The following POC1B variants were observed in gnomAD, a reference collection of about 807,000 sequenced individuals.
POC1B encodes POC1 centriolar protein homolog B.
A neutral mutation model predicts 60.6 loss-of-function variants in POC1B; 44 were observed. The ratio of observed to expected loss-of-function variants is 0.73; its 90% confidence interval spans 0.57 to 0.93. POC1B has a LOEUF of 0.93. Among genes scored for constraint, POC1B ranks in the 40% least tolerant of loss-of-function variants. POC1B has a pLI of 0.00. For synonymous variants in POC1B, 180 were observed against 198.9 expected, an observed-to-expected ratio of 0.90 and a Z score of 0.80; for missense variants, 555 against 572.3, an observed-to-expected ratio of 0.97 and a Z score of 0.31.
At chr12:89,418,769 G>A (rs933496160), downstream of POC1B, among the ~76,000 whole-genome samples, 18 of 152,282 alleles carry the variant, frequency 1.2e-4, no homozygotes, top group Admixed American at 1.1e-3. Flanking sequence ...TCCACCATGA[G>A]TGAAAGCAGC....
intron 10 of POC1B, among the ~76,000 whole-genome samples, chr12:89,441,037 C>T (rs10858853): frequency 0.28 from 42,998 of 152,138 alleles, 6,549 homozygotes; most frequent in Non-Finnish European, 0.35. Flanking sequence ...AGTCTGAGAT[C>T]GAACTGCAAG....
At chr12:89,445,007 T>C (rs1298741186) in intron 10 of POC1B, among the ~76,000 whole-genome samples, 2 of 152,176 alleles carry the variant, frequency 1.3e-5, no homozygotes, top group African/African-American at 4.8e-5. Flanking sequence ...CCATTCACAA[T>C]TGCTTCAAAG....
chr12:89,498,742 C>G (rs1278729409), intron 2 of POC1B, among the ~76,000 whole-genome samples: 1 of 152,064 alleles, frequency 6.6e-6, no homozygotes, highest in African/African-American at 2.4e-5. Flanking sequence ...AAGGCTAATG[C>G]AGACAAAGCA....
At position 89,460,508 on chromosome 12, in the gene POC1B, C is replaced by T. The variant is rs368283768; in HGVS notation, c.1033-790G>A. ...CTGCAAAAACTAGAAAGCTCAATGA[C>T]GCCAACACTGTTTGTAGCAGCATTG... On this transcript the variant is annotated intron_variant, in intron 9 of 11. Transcript: ENST00000313546. Among the ~76,000 whole-genome samples, 68 of 152,260 alleles carry T rather than the reference C, an allele frequency of 4.5e-4. 2 individuals are homozygous for T. In the South Asian group the frequency reaches 0.013, roughly 29 times the overall value.
chr12:89,507,290 A>AC (rs1869952350), intron 2 of POC1B, among the ~76,000 whole-genome samples: 2 of 150,720 alleles, frequency 1.3e-5, no homozygotes, highest in Admixed American at 1.3e-4. Flanking sequence ...AAAAAAAAAA[A>AC]AACTATGAAA....
intron 10 of POC1B, among the ~76,000 whole-genome samples, chr12:89,459,141 A>C (rs983452356): frequency 6.6e-6 from 1 of 152,116 alleles, no homozygotes; most frequent in African/African-American, 2.4e-5. Flanking sequence ...CAGCATGTGA[A>C]ATGTTACCTG....
chr12:89,456,408 GCCACA>G (rs1291649727), intron 10 of POC1B, among the ~76,000 whole-genome samples: 2 of 152,096 alleles, frequency 1.3e-5, no homozygotes, highest in African/African-American at 4.8e-5. Flanking sequence ...ATCCCGTGTA[GCCACA>G]CCACATGTCA....
In POC1B at chr12:89,477,640, T is replaced by A. The variant is rs192174136; in HGVS notation, c.453-5365A>T. On this transcript the variant is annotated intron_variant, in intron 4 of 11. Transcript: ENST00000313546. ...TTCTTTCTCTTCTACTTCCCCACAT[T>A]CCAATCCATTATTGGGTCCTGCCTC... Among the ~76,000 whole-genome samples, 7 of 152,238 alleles carry A rather than the reference T, an allele frequency of 4.6e-5. No individual in the cohort carries two copies. In the East Asian group the frequency reaches 1.4e-3, roughly 29 times the overall value.
chr12:89,497,296 T>C lies in POC1B; in HGVS notation c.147A>G (p.Pro49=). The change falls in exon 3 of 12, where the codon CCA becomes CCG. Residue 49 remains proline (P), a synonymous_variant. Coordinates refer to ENST00000313546, the MANE Select transcript of POC1B (RefSeq NM_172240.3). ...DTFLMLWNFK[P]HARAYRYVGH... is the part of the protein sequence containing the mutation. ...CCACATATCTGTAAGCTCTAGCATGTGGCTTGAAATTCCATAGCATGAGAA... is the reference window on the plus strand; with the variant it reads ...CCACATATCTGTAAGCTCTAGCATGCGGCTTGAAATTCCATAGCATGAGAA... The C allele has an allele frequency of 6.2e-7, 1 of 1,613,022 alleles. No individual in the cohort carries two copies.
At chr12:89,482,944 G>T (rs965668574) in intron 4 of POC1B, among the ~76,000 whole-genome samples, 1 of 146,786 alleles carries the variant, frequency 6.8e-6, no homozygotes, top group Admixed American at 6.8e-5. Context: ...TTTTTTTTGA[G>T]ATGGAGTTTC....
At chr12:89,413,632 T>C in the POC1B span, among the ~76,000 whole-genome samples, 5 of 152,340 alleles carry the variant, frequency 3.3e-5, 1 homozygote, top group Admixed American at 2.6e-4. Flanking sequence ...ATTTTTATGA[T>C]ATACTTTCTG....
In POC1B at chr12:89,455,196, A is replaced by G. The variant is rs1166529619; in HGVS notation, c.1113+4442T>C. Among the ~76,000 whole-genome samples the G allele has an allele frequency of 2.0e-5, 3 of 152,242 alleles. No individual in the cohort carries two copies. In the East Asian group the frequency reaches 5.8e-4, roughly 29 times the overall value. On this transcript the variant is annotated intron_variant, in intron 10 of 11. Coordinates refer to ENST00000313546, the MANE Select transcript of POC1B (RefSeq NM_172240.3). ...TAAAAAATACAAAAATTAGCTGGGC[A>G]TGATGGCAGGAGCCTGTAATCCGAG...
intron 7 of POC1B, among the ~76,000 whole-genome samples, chr12:89,469,144 C>T (rs1447906034): frequency 4.6e-5 from 7 of 152,094 alleles, no homozygotes; most frequent in Middle Eastern, 3.4e-3. Flanking sequence ...CGTGGTGGTG[C>T]GCCTGTACAG....
At chr12:89,520,518 C>T (rs1004119079) in intron 2 of POC1B, 1 of 152,134 alleles carries the variant, frequency 6.6e-6, no homozygotes, top group South Asian at 2.1e-4. Context: ...ATTAATCCTT[C>T]TTAAATTAAA....
intron 2 of POC1B, among the ~76,000 whole-genome samples, chr12:89,503,520 C>T (rs1325982707): frequency 6.6e-6 from 1 of 152,216 alleles, no homozygotes; most frequent in African/African-American, 2.4e-5. Context: ...AGACTGCAGC[C>T]TCTGCCTGGC....
chr12:89,410,235 G>A, the POC1B span, among the ~76,000 whole-genome samples: 3 of 152,130 alleles, frequency 2.0e-5, no homozygotes, highest in Admixed American at 6.5e-5. Flanking sequence ...TGCAGAAAAA[G>A]CCTTTGATAA....
chr12:89,412,246 C>A, the POC1B span, among the ~76,000 whole-genome samples: 1 of 152,198 alleles, frequency 6.6e-6, no homozygotes, highest in South Asian at 2.1e-4. Flanking sequence ...TCTTCTTTCT[C>A]CTGGCCACAG....
intron 10 of POC1B, among the ~76,000 whole-genome samples, chr12:89,437,794 C>A (rs1173531692): frequency 6.6e-6 from 1 of 151,534 alleles, no homozygotes; most frequent in African/African-American, 2.4e-5. Flanking sequence ...ACGCCTGTAA[C>A]CCCAGCACTT....
At position 89,523,764 on chromosome 12, in the gene POC1B, A is replaced by T. The variant is rs188465081; in HGVS notation, c.100+1356T>A. On this transcript the variant is annotated intron_variant, in intron 2 of 11. Transcript: ENST00000313546. ...CTATCTGCATATAGAATTCAAAAGT[A>T]TTCCAATCAATTGTGTCTATAACAG... The T allele has an allele frequency of 3.4e-3, 5,217 of 1,539,628 alleles. 19 individuals are homozygous for T. Among genetic ancestry groups the T allele is most frequent in the Non-Finnish European group, 3.3e-3 (3,748 of 1,149,704 alleles).
Sources: gnomAD v4.1 joint callset for allele counts (sites outside exome capture counted in the v4.1 genomes callset) on GRCh38, gnomAD v4.1.1 for gene constraint, MANE v1.5 for transcripts, NCBI Gene and HGNC (gene_info 2026-07-23, HGNC 2026-07-21) for gene names.